Variants in THADA observed in about 807,000 individuals in gnomAD.
THADA encodes the protein tRNA (32-2'-O)-methyltransferase regulator THADA.
Under a neutral mutation model 219.8 loss-of-function variants are expected in THADA, and 213 were observed. The observed-to-expected ratio is 0.97, with a 90% CI of 0.87 to 1.09. The LOEUF is 1.09. THADA is among the 50% of genes least tolerant of loss of function. THADA has a pLI of 0.00. For synonymous variants in THADA, 1,018 were observed against 828.9 expected (o/e 1.23, Z -3.92); for missense variants, 2,956 against 2,311.3 (o/e 1.28, Z -5.72).
At chr2:43,283,308 C>T (rs562492366) in intron 35 of THADA, among the ~76,000 whole-genome samples, 1 of 152,260 alleles carries the variant, frequency 6.6e-6, no homozygotes, top group African/African-American at 2.4e-5. Context: ...TGGACCAATA[C>T]AGAAAATTGG....
chr2:43,466,311 T>C (rs1185112746), intron 26 of THADA, among the ~76,000 whole-genome samples: 3 of 152,196 alleles, frequency 2.0e-5, no homozygotes, highest in African/African-American at 4.8e-5. Flanking sequence ...CACACCAACC[T>C]TTCACTACCA....
chr2:43,336,602 C>A (rs986043615), intron 30 of THADA, among the ~76,000 whole-genome samples: 22 of 152,068 alleles, frequency 1.4e-4, no homozygotes, highest in African/African-American at 5.3e-4. Flanking sequence ...TGCCATAAGC[C>A]TCCACAACAA....
At chr2:43,480,683 T>TA (rs755774741) in intron 26 of THADA, among the ~76,000 whole-genome samples, 1 of 151,332 alleles carries the variant, frequency 6.6e-6, no homozygotes, top group Non-Finnish European at 1.5e-5. Flanking sequence ...CCAGGTGTGG[T>TA]AGTGTGCACC....
In THADA at chr2:43,570,530, G is replaced by A; in HGVS notation, c.2065-20C>T. 1.2e-6 allele frequency: 2 copies of A among 1,600,452 alleles called. No individual in the cohort carries two copies. Among genetic ancestry groups the A allele is most frequent in the East Asian group, 2.2e-5 (1 of 44,604 alleles). ...AAACAACTTTTGAAACAAAGGAAAT[G>A]AAGCACAGGTGAGCCACACATTAAA... On this transcript the variant is annotated intron_variant, in intron 13 of 37. Transcript: ENST00000405975.
At position 43,586,971 on chromosome 2, in the gene THADA, G is replaced by A. The variant is rs752291254; in HGVS notation, c.334C>T (p.Pro112Ser). 12 of 1,613,336 alleles carry A rather than the reference G, an allele frequency of 7.4e-6. No individual in the cohort carries two copies. Among genetic ancestry groups the A allele is most frequent in the Non-Finnish European group, 1.0e-5 (12 of 1,179,710 alleles). ...GAAGTAAAACGGTGCATAGCCTCAG[G>A]TAGAAAAAAATCAGGCAGGCTATTT... is the stretch of plus-strand genomic sequence containing the variant. ...SLNSLPDFFL[P>S]EAMHRFTSRL... Residue 112 changes from proline to serine, a missense_variant, in exon 5 of 38, where the codon CCT becomes TCT. Pro to Ser is a moderately conservative substitution (Grantham distance 74, BLOSUM62 -1). Coordinates refer to ENST00000405975, the MANE Select transcript of THADA (RefSeq NM_022065.5).
intron 22 of THADA, among the ~76,000 whole-genome samples, chr2:43,520,978 AGGAAGGGAG>A (rs1692364782): frequency 1.2e-5 from 1 of 84,098 alleles, no homozygotes; most frequent in Non-Finnish European, 2.3e-5. Context: ...GAAGGGAGGG[AGGAAGGGAG>A]GAAAGGGAGG....
At chr2:43,534,342 C>T (rs1694279877) in intron 21 of THADA, among the ~76,000 whole-genome samples, 1 of 152,124 alleles carries the variant, frequency 6.6e-6, no homozygotes, top group African/African-American at 2.4e-5. Flanking sequence ...CAACATCCTG[C>T]TTCTAGCTAT....
chr2:43,592,755 T>C, intron 1 of THADA: 1 of 167,348 alleles, frequency 6.0e-6, no homozygotes. Context: ...AGTCTTTGTA[T>C]TTTAAAATAC....
chr2:43,373,507 A>AC (rs1211559103), intron 29 of THADA, among the ~76,000 whole-genome samples: 6 of 151,542 alleles, frequency 4.0e-5, no homozygotes, highest in African/African-American at 1.2e-4. Context: ...ACAGGGTCTC[A>AC]CTCTGTCTCC....
At chr2:43,288,640 A>C (rs766621961) in intron 34 of THADA, among the ~76,000 whole-genome samples, 1 of 152,208 alleles carries the variant, frequency 6.6e-6, no homozygotes, top group African/African-American at 2.4e-5. Context: ...GCACATGAGT[A>C]CATCTTGTTC....
chr2:43,455,749 T>A (rs770371780), intron 26 of THADA, among the ~76,000 whole-genome samples: 1 of 152,228 alleles, frequency 6.6e-6, no homozygotes, highest in Non-Finnish European at 1.5e-5. Flanking sequence ...CTTTCCACTA[T>A]GTAAATCTGA....
intron 24 of THADA, 138 bp from the exon 25 acceptor site, chr2:43,499,093 G>C: frequency 1.1e-6 from 1 of 946,150 alleles, no homozygotes; most frequent in South Asian, 2.1e-5. Flanking sequence ...TGAAATAGCA[G>C]ATTTAATAAA....
At chr2:43,556,671 TC>T in intron 16 of THADA, 116 bp from the exon 17 acceptor site, 1 of 906,798 alleles carries the variant, frequency 1.1e-6, no homozygotes, top group Non-Finnish European at 1.6e-6. Context: ...GAGCCTAGAG[TC>T]CCAGCTACTC....
chr2:43,375,195 T>C (rs1671234854), intron 29 of THADA, among the ~76,000 whole-genome samples: 2 of 152,224 alleles, frequency 1.3e-5, no homozygotes, highest in Non-Finnish European at 2.9e-5. Flanking sequence ...ATTTTGCAGA[T>C]GGGTAAGCTT....
chr2:43,455,542 AAAC>A (rs1454263080), intron 26 of THADA, among the ~76,000 whole-genome samples: 1 of 150,134 alleles, frequency 6.7e-6, no homozygotes, highest in African/African-American at 2.5e-5. Flanking sequence ...ACACACACAC[AAAC>A]ACACACAACA....
At chr2:43,512,748 T>C (rs7585060) in intron 22 of THADA, among the ~76,000 whole-genome samples, 25,449 of 152,216 alleles carry the variant, frequency 0.17, 2,975 homozygotes, top group African/African-American at 0.33. Context: ...GTGATCCGCC[T>C]GCCTCGGCCT....
chr2:43,552,126 A>T, intron 18 of THADA, 78 bp downstream of exon 18: 1 of 1,545,108 alleles, frequency 6.5e-7, no homozygotes, highest in Non-Finnish European at 8.7e-7. Flanking sequence ...TTCCTTTCCC[A>T]GGACACATTC....
rs58711910 is a variant in THADA at position 43,381,097 on chromosome 2, C to CAAAAAAA, written c.4227+16867_4227+16873dup. Among the ~76,000 whole-genome samples, 533 of 54,388 alleles carry CAAAAAAA rather than the reference C, an allele frequency of 9.8e-3. 12 individuals are homozygous for CAAAAAAA. The highest frequency in any genetic ancestry group is 0.03 in the African/African-American group (368 of 12,106). The allele number at this position is 54,388 out of a possible 152,430, so 35.7% of individuals were successfully genotyped here. A position where few individuals can be genotyped will look rare whatever the true frequency, so the allele number is the denominator to read the frequency against. ...CGGGCGAGACAGAGCGAGACTTTGT[C>CAAAAAAA]AAAAAAAAAAAAAAAAAAAAAAAAG... On this transcript the variant is annotated intron_variant, in intron 29 of 37. Transcript: ENST00000405975.
chr2:43,389,094 T>C (rs1460963721), intron 29 of THADA, among the ~76,000 whole-genome samples: 1 of 152,138 alleles, frequency 6.6e-6, no homozygotes, highest in Non-Finnish European at 1.5e-5. Flanking sequence ...ATGAGGTCAT[T>C]TTATTTTCCC....
Sources: allele counts gnomAD v4.1 joint callset (sites outside exome capture counted in the v4.1 genomes callset), GRCh38; gene constraint gnomAD v4.1.1; transcripts MANE v1.5; gene names NCBI Gene and HGNC (gene_info 2026-07-23, HGNC 2026-07-21).